Variants in GARS1 observed in about 807,000 individuals in gnomAD.
GARS1 encodes glycine--tRNA ligase.
In GARS1, 46 loss-of-function variants were observed where a neutral mutation model predicts 86.4. The ratio of observed to expected loss-of-function variants is 0.53; its 90% CI spans 0.42 to 0.68. The LOEUF (loss-of-function observed/expected upper bound fraction) is 0.68. GARS1 is among the 30% of genes least tolerant of loss of function. GARS1 has a pLI of 0.00. For synonymous variants in GARS1, 342 were observed against 329.8 expected (o/e 1.04, Z -0.40); for missense variants, 797 against 915.6 (o/e 0.87, Z 1.67).
At chr7:30,604,707 C>T (rs775512957) in intron 6 of GARS1, among the ~76,000 whole-genome samples, 27 of 152,160 alleles carry the variant, frequency 1.8e-4, no homozygotes, top group Non-Finnish European at 2.9e-4. Context: ...AGTAATTACT[C>T]ATGGTTTAGA....
At chr7:30,603,163 A>C in intron 5 of GARS1, 41 bp downstream of exon 5, 1 of 1,515,630 alleles carries the variant, frequency 6.6e-7, no homozygotes, top group African/African-American at 1.4e-5. Context: ...TGATCAAAAT[A>C]AAAGGTTTAA....
At chr7:30,610,456 G>T (rs556902293) in intron 7 of GARS1, among the ~76,000 whole-genome samples, 46 of 152,344 alleles carry the variant, frequency 3.0e-4, no homozygotes, top group African/African-American at 1.1e-3. Flanking sequence ...TAGGGTAAGA[G>T]AGTAAGTTTT....
chr7:30,607,514 A>G (rs186301680), intron 6 of GARS1, among the ~76,000 whole-genome samples: 1,372 of 91,052 alleles, frequency 0.015, 15 homozygotes, highest in African/African-American at 0.055. Flanking sequence ...ACATGGACAC[A>G]GGGTGGGGAA....
intron 3 of GARS1, 112 bp downstream of exon 3, chr7:30,600,161 A>G: frequency 1.3e-6 from 1 of 791,852 alleles, no homozygotes; most frequent in South Asian, 1.4e-5. Context: ...GCCACAAAGC[A>G]GAGGATGGAT....
intron 13 of GARS1, among the ~76,000 whole-genome samples, chr7:30,626,690 A>T (rs1441480105): frequency 6.6e-6 from 1 of 152,198 alleles, no homozygotes; most frequent in Non-Finnish European, 1.5e-5. Flanking sequence ...CTTGTTAAAA[A>T]GTCATTTAGG....
Position 30,603,514 on chromosome 7 carries a change from T to G in GARS1, c.677T>G (p.Met226Arg), listed in dbSNP as rs748330956. The change falls in exon 6 of 17, where the codon ATG becomes AGG. Residue 226 changes from methionine (M) to arginine (R), a missense_variant. Physicochemically the swap from Met to Arg is moderately conservative, Grantham distance 91. Around this residue, in one of 2 missense-constraint regions of GARS1, gnomAD observed 598 missense variants for 738.7 expected, o/e 0.81. Coordinates refer to ENST00000389266, the MANE Select transcript of GARS1 (RefSeq NM_002047.4). ...CTTACAGCTCATTTACAGAAATTGA[T>G]GTCTGATAAGAAGTGTTCTGTCGAA... ...HLLKAHLQKL[M>R]SDKKCSVEKK... The G allele has an allele frequency of 6.2e-7, 1 of 1,613,694 alleles. No homozygotes were observed. Among genetic ancestry groups the G allele is most frequent in the Non-Finnish European group, 8.5e-7 (1 of 1,179,880 alleles).
At chr7:30,605,783 A>T (rs117689584) in intron 6 of GARS1, among the ~76,000 whole-genome samples, 1 of 152,210 alleles carries the variant, frequency 6.6e-6, no homozygotes, top group Admixed American at 6.6e-5. Flanking sequence ...TAAAGGATTT[A>T]AAAAATCCTT....
At chr7:30,597,017 T>C (rs926748708) in intron 1 of GARS1, among the ~76,000 whole-genome samples, 1 of 152,228 alleles carries the variant, frequency 6.6e-6, no homozygotes, top group Admixed American at 6.5e-5. Context: ...TTTGTCACTT[T>C]AAGAAAACAA....
intron 1 of GARS1, 100 bp downstream of exon 1, chr7:30,595,243 G>A (rs1328773139): frequency 4.4e-6 from 5 of 1,134,444 alleles, no homozygotes; most frequent in Non-Finnish European, 6.4e-6. Context: ...CCTCCTCTTC[G>A]GTTACCCCTT....
chr7:30,598,194 T>C (rs1016249120), intron 1 of GARS1, among the ~76,000 whole-genome samples: 5 of 152,126 alleles, frequency 3.3e-5, no homozygotes, highest in African/African-American at 4.8e-5. Flanking sequence ...TGCTCTTTCC[T>C]ACTTTTTAAT....
At position 30,633,968 on chromosome 7, in the gene GARS1, G is replaced by A. The variant is rs1422071390; in HGVS notation, c.*108G>A. 24 of 1,351,612 alleles carry A rather than the reference G, an allele frequency of 1.8e-5. No individual in the cohort carries two copies. The highest frequency in any genetic ancestry group is 2.2e-4 in the Middle Eastern group (1 of 4,636). 83.7% of individuals were successfully genotyped at this position (1,351,612 alleles called of 1,614,324 possible). A position where few individuals can be genotyped will look rare whatever the true frequency, so the allele number is the denominator to read the frequency against. On this transcript the variant is annotated 3_prime_UTR_variant, in exon 17 of 17. Coordinates refer to ENST00000389266, the MANE Select transcript of GARS1 (RefSeq NM_002047.4). Reference sequence around the variant, plus strand: ...AGCATTGTGATTACTCCCAGGGACCGTATTTTATCTTCAGTGGCTGCCTGA... The same window carrying A: ...AGCATTGTGATTACTCCCAGGGACCATATTTTATCTTCAGTGGCTGCCTGA...
intron 10 of GARS1, among the ~76,000 whole-genome samples, chr7:30,619,485 G>A (rs1782956967): frequency 6.6e-6 from 1 of 152,028 alleles, no homozygotes; most frequent in Non-Finnish European, 1.5e-5. Context: ...TTATTCTCAG[G>A]CACGTTTTTG....
At chr7:30,633,288 AG>A (rs1317469262) in intron 16 of GARS1, among the ~76,000 whole-genome samples, 1 of 152,178 alleles carries the variant, frequency 6.6e-6, no homozygotes, top group African/African-American at 2.4e-5. Flanking sequence ...GGAGAGGCAG[AG>A]GGGGCAGGCA....
chr7:30,598,184 T>C (rs1791296423), intron 1 of GARS1, among the ~76,000 whole-genome samples: 1 of 152,110 alleles, frequency 6.6e-6, no homozygotes, highest in African/African-American at 2.4e-5. Flanking sequence ...GTACAAATCT[T>C]GCTCTTTCCT....
rs1156612017 is a variant in GARS1, at chr7:30,600,065, C to G, written c.427+16C>G. 6.5e-7 allele frequency: 1 copy of G among 1,542,002 alleles called. No individual in the cohort carries two copies. The highest frequency in any genetic ancestry group is 1.1e-5 in the South Asian group (1 of 89,684). ...ATTTATGGAGGTAAGGGATTAATGA[C>G]AAAAAGAACTATTGTGTTGTTAGTG... On this transcript the variant is annotated intron_variant, in intron 3 of 16. Transcript: ENST00000389266.
chr7:30,598,234 C>T (rs921213823), intron 1 of GARS1, among the ~76,000 whole-genome samples: 2 of 152,060 alleles, frequency 1.3e-5, no homozygotes, highest in Admixed American at 6.5e-5. Context: ...TTTTTCACCC[C>T]TCTATACCCA....
intron 10 of GARS1, 60 bp downstream of exon 10, chr7:30,617,338 C>A: frequency 6.4e-7 from 1 of 1,564,920 alleles, no homozygotes; most frequent in Non-Finnish European, 8.8e-7. Context: ...GCACAGGTAC[C>A]AAATGAATTT....
chr7:30,622,285 C>T, intron 11 of GARS1, 32 bp from the exon 12 acceptor site: 1 of 1,613,456 alleles, frequency 6.2e-7, no homozygotes, highest in Non-Finnish European at 8.5e-7. Context: ...TGAGGCAGTG[C>T]TGTAGTTTTG....
At chr7:30,622,189 C>A in intron 11 of GARS1, 128 bp from the exon 12 acceptor site, 2 of 1,091,882 alleles carry the variant, frequency 1.8e-6, no homozygotes, top group Non-Finnish European at 2.7e-6. Context: ...TTAAAATCAG[C>A]ATAAACAGGA....
Sources: allele counts gnomAD v4.1 joint callset (sites outside exome capture counted in the v4.1 genomes callset), GRCh38; gene constraint gnomAD v4.1.1; regional missense constraint gnomAD v4.1.1; transcripts MANE v1.5; gene names NCBI Gene and HGNC (gene_info 2026-07-23, HGNC 2026-07-21).